Variants in NIPSNAP2 observed in about 807,000 individuals in gnomAD.
The protein encoded by NIPSNAP2 is protein NipSnap homolog 2.
A neutral mutation model predicts 48.4 loss-of-function variants in NIPSNAP2; 42 were observed. The observed-to-expected ratio is 0.87, with a 90% confidence interval of 0.68 to 1.12. The LOEUF (loss-of-function observed/expected upper bound fraction) is 1.12. Among genes scored for constraint, NIPSNAP2 ranks in the 50% most tolerant of loss-of-function variants. The pLI is 0.00. For missense variants in NIPSNAP2, 314 were observed against 347.3 expected (o/e 0.90, Z 0.76); for synonymous variants, 158 against 126.6 (o/e 1.25, Z -1.67).
At chr7:55,966,306 T>C (rs529936165) in intron 1 of NIPSNAP2, among the ~76,000 whole-genome samples, 51 of 152,246 alleles carry the variant, frequency 3.3e-4, no homozygotes, top group Non-Finnish European at 6.9e-4. Context: ...CGTATTTGAT[T>C]TACGTTTTTC....
intron 7 of NIPSNAP2, 116 bp downstream of exon 7, chr7:55,984,994 A>G (rs1787297561): frequency 4.1e-6 from 3 of 723,100 alleles, no homozygotes; most frequent in Non-Finnish European, 7.0e-6. Flanking sequence ...ACACTGCACT[A>G]ATGTTTCGTT....
chr7:55,964,782 T>C, intron 1 of NIPSNAP2, 81 bp downstream of exon 1: 1 of 691,540 alleles, frequency 1.4e-6, no homozygotes, highest in Non-Finnish European at 1.9e-6. Flanking sequence ...GGCGCCGGTC[T>C]CCGCCCCGGC....
chr7:55,979,535 T>G, intron 3 of NIPSNAP2: 1 of 330,940 alleles, frequency 3.0e-6, no homozygotes, highest in Non-Finnish European at 6.0e-6. Flanking sequence ...GCATTCTTCA[T>G]CGGACATGTA....
rs912590003 is a variant in NIPSNAP2 at position 55,999,424 on chromosome 7, A to T, written c.*352A>T. The T allele has an allele frequency of 4.5e-5, 8 of 178,114 alleles. No individual in the cohort carries two copies. Among genetic ancestry groups the T allele is most frequent in the East Asian group, 2.8e-4 (2 of 7,038 alleles). The allele number at this position is 178,114 out of a possible 1,614,324, so 11.0% of individuals were successfully genotyped here. Reference sequence around the variant, plus strand: ...AAAAAAATTTAGCCATTTCTTTACTAAAAAAAACCAAAAAACAAATCTGTT... The same window carrying T: ...AAAAAAATTTAGCCATTTCTTTACTTAAAAAAACCAAAAAACAAATCTGTT... On this transcript the variant is annotated 3_prime_UTR_variant, in exon 10 of 10. Transcript: ENST00000322090.
chr7:55,983,401 T>C (rs910063000), intron 5 of NIPSNAP2, among the ~76,000 whole-genome samples: 1 of 152,244 alleles, frequency 6.6e-6, no homozygotes, highest in African/African-American at 2.4e-5. Flanking sequence ...ATCTGCTCTT[T>C]TGTAGTCTGC....
At chr7:55,979,695 G>C (rs1787173493) in intron 3 of NIPSNAP2, 2 of 448,324 alleles carry the variant, frequency 4.5e-6, no homozygotes, top group African/African-American at 2.0e-5. Flanking sequence ...AAGTTTGTCA[G>C]ATTGATCTGC....
At chr7:55,977,412 T>C (rs1250965471) in intron 1 of NIPSNAP2, among the ~76,000 whole-genome samples, 5 of 152,182 alleles carry the variant, frequency 3.3e-5, no homozygotes, top group Admixed American at 6.5e-5. Context: ...TTTTTTGATT[T>C]TTAAGTTACT....
At chr7:55,990,116 A>T (rs555420306) in intron 7 of NIPSNAP2, among the ~76,000 whole-genome samples, 3 of 152,070 alleles carry the variant, frequency 2.0e-5, no homozygotes, top group Admixed American at 1.3e-4. Flanking sequence ...AAACATTGGG[A>T]TAGTTTCCTA....
intron 7 of NIPSNAP2, among the ~76,000 whole-genome samples, chr7:55,988,135 G>A (rs924666450): frequency 3.3e-5 from 5 of 151,994 alleles, no homozygotes; most frequent in Non-Finnish European, 7.4e-5. Context: ...GGTAGCACAT[G>A]CCTGTAATCT....
chr7:55,973,737 G>T (rs1269014363), intron 1 of NIPSNAP2, among the ~76,000 whole-genome samples: 1 of 151,874 alleles, frequency 6.6e-6, no homozygotes, highest in Non-Finnish European at 1.5e-5. Flanking sequence ...ACCTGCCTCG[G>T]CCTCCCAGAG....
chr7:55,966,198 C>T (rs78175144), intron 1 of NIPSNAP2, among the ~76,000 whole-genome samples: 6,704 of 152,238 alleles, frequency 0.044, 180 homozygotes, highest in Admixed American at 0.062. Context: ...CAGTATGACT[C>T]CTCAAAGGAG....
chr7:55,965,740 C>T (rs2116322228), intron 1 of NIPSNAP2, among the ~76,000 whole-genome samples: 1 of 152,108 alleles, frequency 6.6e-6, no homozygotes, highest in Admixed American at 6.6e-5. Context: ...ACCACCACAC[C>T]CGGCTAATTT....
chr7:55,970,628 T>C (rs1786999502), intron 1 of NIPSNAP2, among the ~76,000 whole-genome samples: 1 of 152,072 alleles, frequency 6.6e-6, no homozygotes. Context: ...TATATTTTTT[T>C]TGAAAACTTG....
intron 1 of NIPSNAP2, among the ~76,000 whole-genome samples, chr7:55,969,564 C>G (rs141282683): frequency 4.9e-4 from 75 of 152,284 alleles, no homozygotes; most frequent in Non-Finnish European, 8.2e-4. Context: ...AAGAGCTTGT[C>G]TGTTTGAGTT....
At chr7:55,965,139 C>G (rs1786865206) in intron 1 of NIPSNAP2, 1 of 152,354 alleles carries the variant, frequency 6.6e-6, no homozygotes, top group Admixed American at 6.5e-5. Context: ...GTTGGTGACC[C>G]TGGTCTCTGA....
intron 3 of NIPSNAP2, chr7:55,980,732 C>T (rs1456728060): frequency 1.3e-5 from 2 of 152,236 alleles, no homozygotes; most frequent in African/African-American, 4.8e-5. Context: ...ATGGCTTTGT[C>T]CCTGTCCCTG....
At chr7:55,988,732 G>C (rs1417680822) in intron 7 of NIPSNAP2, among the ~76,000 whole-genome samples, 1 of 152,066 alleles carries the variant, frequency 6.6e-6, no homozygotes, top group Non-Finnish European at 1.5e-5. Context: ...GGGCATGTTG[G>C]TGTGCACCTG....
chr7:55,980,505 C>G (rs1045936225), intron 3 of NIPSNAP2: 1 of 152,114 alleles, frequency 6.6e-6, no homozygotes, highest in Non-Finnish European at 1.5e-5. Context: ...GCCCTTGATC[C>G]CCTTTTGCAT....
intron 1 of NIPSNAP2, among the ~76,000 whole-genome samples, chr7:55,973,806 T>G (rs1787057349): frequency 6.6e-6 from 1 of 152,122 alleles, no homozygotes; most frequent in Non-Finnish European, 1.5e-5. Context: ...ATTTGTAAGT[T>G]CACATCATTC....
Sources: gnomAD v4.1 joint callset for allele counts (sites outside exome capture counted in the v4.1 genomes callset) on GRCh38, gnomAD v4.1.1 for gene constraint, MANE v1.5 for transcripts, NCBI Gene and HGNC (gene_info 2026-07-23, HGNC 2026-07-21) for gene names.